Variants in PDZD9 observed in about 807,000 individuals in gnomAD.
PDZD9 encodes PDZ domain-containing protein 9.
In PDZD9, 13 loss-of-function variants were observed where a neutral mutation model predicts 16.3. The ratio of observed to expected loss-of-function variants is 0.80; its 90% confidence interval spans 0.52 to 1.27. The LOEUF (loss-of-function observed/expected upper bound fraction) is 1.27, where lower values mean the gene tolerates loss of function less well. Among genes scored for constraint, PDZD9 ranks in the 50% most tolerant of loss-of-function variants. PDZD9 has a pLI of 0.00. For missense variants in PDZD9, 288 were observed against 310.9 expected (o/e 0.93, Z 0.55); for synonymous variants, 120 against 111.0 (o/e 1.08, Z -0.51).
At chr16:21,978,590 A>G in the PDZD9 span, among the ~76,000 whole-genome samples, 1 of 152,220 alleles carries the variant, frequency 6.6e-6, no homozygotes, top group Non-Finnish European at 1.5e-5. Flanking sequence ...TCACTAATCA[A>G]AACCTTACAT....
the PDZD9 span, among the ~76,000 whole-genome samples, chr16:21,960,157 C>G: frequency 6.6e-6 from 1 of 152,216 alleles, no homozygotes. Context: ...CGGCATCTTC[C>G]AATGTAAGGC....
At chr16:21,982,495 A>C (rs186797246), downstream of PDZD9, among the ~76,000 whole-genome samples, 2 of 152,238 alleles carry the variant, frequency 1.3e-5, no homozygotes, top group East Asian at 1.9e-4. Flanking sequence ...TGTTTTCCTT[A>C]TCTCTCTTTG....
the PDZD9 span, among the ~76,000 whole-genome samples, chr16:21,970,120 G>A: frequency 5.3e-5 from 8 of 152,044 alleles, no homozygotes; most frequent in African/African-American, 1.7e-4. Context: ...TTCAAGGTCC[G>A]TCCATATTGT....
the PDZD9 span, chr16:21,962,257 T>A: frequency 3.4e-6 from 2 of 584,272 alleles, no homozygotes; most frequent in South Asian, 4.2e-5. Context: ...CAGATTTCAC[T>A]CCTTTTAAGG....
chr16:21,996,285 G>C, intron 2 of PDZD9, 37 bp downstream of exon 2: 1 of 1,517,356 alleles, frequency 6.6e-7, no homozygotes, highest in Non-Finnish European at 8.8e-7. Flanking sequence ...AGATGGGCAG[G>C]ATGGGTGGTT....
chr16:21,970,939 T>TA, the PDZD9 span, among the ~76,000 whole-genome samples: 1 of 152,076 alleles, frequency 6.6e-6, no homozygotes. Context: ...TTTTTTTTTT[T>TA]AATTGTTGAG....
chr16:21,969,524 T>C, the PDZD9 span, among the ~76,000 whole-genome samples: 6 of 152,036 alleles, frequency 3.9e-5, no homozygotes, highest in African/African-American at 1.4e-4. Flanking sequence ...AGAGTGAGAC[T>C]CTGTCTCAAA....
chr16:21,962,700 G>A, the PDZD9 span: 8 of 1,610,230 alleles, frequency 5.0e-6, no homozygotes, highest in Non-Finnish European at 6.8e-6. Context: ...CAGCTATGTA[G>A]AATCTCAAAT....
At chr16:21,969,158 A>G in the PDZD9 span, among the ~76,000 whole-genome samples, 1 of 152,204 alleles carries the variant, frequency 6.6e-6, no homozygotes, top group Admixed American at 6.5e-5. Context: ...TAACCAGGGT[A>G]TGGAGAAATA....
chr16:21,976,262 T>G, the PDZD9 span: 1 of 1,582,830 alleles, frequency 6.3e-7, no homozygotes, highest in South Asian at 1.1e-5. Context: ...CAGTATTAAC[T>G]GTGTTTTATG....
intron 2 of PDZD9, among the ~76,000 whole-genome samples, chr16:21,991,132 C>A (rs1027021533): frequency 6.6e-6 from 1 of 152,196 alleles, no homozygotes; most frequent in Non-Finnish European, 1.5e-5. Flanking sequence ...CACCACTACA[C>A]CCCCAGTGCC....
the PDZD9 span, among the ~76,000 whole-genome samples, chr16:21,970,319 T>G: frequency 6.6e-6 from 1 of 152,230 alleles, no homozygotes; most frequent in Non-Finnish European, 1.5e-5. Context: ...AAGAACAGAA[T>G]TGCCAGGACA....
chr16:21,958,738 A>G, the PDZD9 span: 1 of 714,982 alleles, frequency 1.4e-6, no homozygotes, highest in African/African-American at 1.8e-5. Flanking sequence ...TGAGTATATC[A>G]AACTGTAAAA....
intron 2 of PDZD9, among the ~76,000 whole-genome samples, chr16:21,989,626 T>C (rs1252767591): frequency 1.3e-5 from 2 of 152,200 alleles, no homozygotes; most frequent in African/African-American, 4.8e-5. Context: ...GAGCAAATAA[T>C]TCTGTATAAA....
chr16:21,993,245 C>T (rs888037682), intron 2 of PDZD9, among the ~76,000 whole-genome samples: 5 of 152,084 alleles, frequency 3.3e-5, no homozygotes, highest in Non-Finnish European at 7.4e-5. Context: ...TAACTATAGC[C>T]GTGCCATGAG....
chr16:21,968,702 G>T, the PDZD9 span: 2 of 1,596,692 alleles, frequency 1.3e-6, no homozygotes, highest in Non-Finnish European at 1.7e-6. Flanking sequence ...TTAGAGTATT[G>T]CCTGCCTGTC....
At chr16:21,964,743 G>A in the PDZD9 span, among the ~76,000 whole-genome samples, 4 of 152,148 alleles carry the variant, frequency 2.6e-5, no homozygotes, top group African/African-American at 9.7e-5. Flanking sequence ...TGCCGACATT[G>A]CACCCATAAT....
chr16:21,992,560 G>T (rs1166428882), intron 2 of PDZD9, among the ~76,000 whole-genome samples: 1 of 152,196 alleles, frequency 6.6e-6, no homozygotes, highest in African/African-American at 2.4e-5. Context: ...GTGGAAAAAG[G>T]TGGAATGAGC....
chr16:21,971,414 T>C, the PDZD9 span: 20 of 858,030 alleles, frequency 2.3e-5, no homozygotes, highest in East Asian at 2.6e-5. Flanking sequence ...CTCTTATTTA[T>C]TTTGTAGTGT....
Sources: allele counts gnomAD v4.1 joint callset (sites outside exome capture counted in the v4.1 genomes callset), GRCh38; gene constraint gnomAD v4.1.1; transcripts MANE v1.5; gene names NCBI Gene and HGNC (gene_info 2026-07-23, HGNC 2026-07-21).